Variants in KHDRBS3 observed in about 807,000 individuals in gnomAD.
KHDRBS3 encodes the protein KH domain-containing, RNA-binding, signal transduction-associated protein 3.
A neutral mutation model predicts 45.6 loss-of-function variants in KHDRBS3; 23 were observed. That is an observed-to-expected ratio of 0.50 (90% CI 0.36 to 0.72). The LOEUF is 0.72. Among genes scored for constraint, KHDRBS3 ranks in the 30% least tolerant of loss-of-function variants. The pLI is 0.00. For synonymous variants in KHDRBS3, 162 were observed against 156.5 expected (o/e 1.04, Z -0.26); for missense variants, 352 against 424.8 (o/e 0.83, Z 1.51).
At position 135,507,541 on chromosome 8, in the gene KHDRBS3, AT is replaced by A. The variant is rs559623000; in HGVS notation, c.89-13686del. ...GCCATTGACTGGCCATGGTGTACTT[AT>A]TTTTTTTTTAACGAAATCCCTACGT... On this transcript the variant is annotated intron_variant, in intron 1 of 8. Transcript: ENST00000355849. Among the ~76,000 whole-genome samples, 226 of 149,420 alleles carry A rather than the reference AT, an allele frequency of 1.5e-3. 2 individuals carry two copies. Among genetic ancestry groups the A allele is most frequent in the Non-Finnish European group, 2.4e-3 (163 of 67,048 alleles).
intron 4 of KHDRBS3, chr8:135,549,647 A>G (rs1425129379): frequency 1.3e-5 from 2 of 152,164 alleles, no homozygotes; most frequent in African/African-American, 4.8e-5. Flanking sequence ...AAGAATCGTA[A>G]AGCATCAACA....
rs1200941483 is a variant in KHDRBS3, at chr8:135,525,667, C to T, written c.207+4312C>T. Among the ~76,000 whole-genome samples, 7 of 152,122 alleles carry T rather than the reference C, an allele frequency of 4.6e-5. 1 individual carries two copies. The highest frequency in any genetic ancestry group is 2.0e-4 in the Admixed American group (3 of 15,260). Reference sequence around the variant, plus strand: ...TATGTGTCTTGTAAACAGAAAATTACGTTACAAACATTTCATAGACAGACT... The same window carrying T: ...TATGTGTCTTGTAAACAGAAAATTATGTTACAAACATTTCATAGACAGACT... On this transcript the variant is annotated intron_variant, in intron 2 of 8. Coordinates refer to ENST00000355849, the MANE Select transcript of KHDRBS3 (RefSeq NM_006558.3).
Position 135,457,981 on chromosome 8 carries a change from CCGGCGGCGG to C in KHDRBS3, c.88+28_88+36del. 1 of 1,563,086 alleles carries C rather than the reference CCGGCGGCGG, an allele frequency of 6.4e-7. No homozygotes were observed. Among genetic ancestry groups the C allele is most frequent in the African/African-American group, 1.4e-5 (1 of 72,188 alleles). On this transcript the variant is annotated intron_variant, in intron 1 of 8. Transcript: ENST00000355849. This position sits in a 1 kb window ranked among gnomAD's most constrained non-coding sequence, Gnocchi z 4.4. ...TGAGGCGCCGGCCGTTAACTGCCGGCCGGCGGCGGTTGGGGGCCGGGTGGAAACGCGGGG... is the reference window on the plus strand; with the variant it reads ...TGAGGCGCCGGCCGTTAACTGCCGGCTTGGGGGCCGGGTGGAAACGCGGGG...
chr8:135,625,404 A>AT, intron 7 of KHDRBS3: 1 of 793,006 alleles, frequency 1.3e-6, no homozygotes, highest in Non-Finnish European at 2.2e-6. Flanking sequence ...GCATCAACTC[A>AT]GCTGCCTCAT....
At chr8:135,626,842 G>A in intron 7 of KHDRBS3, among the ~76,000 whole-genome samples, 1 of 148,140 alleles carries the variant, frequency 6.8e-6, no homozygotes, top group South Asian at 2.1e-4. Context: ...AGTGGGAACT[G>A]AGGCAGTTCT....
chr8:135,612,969 CT>C (rs1829767048), intron 7 of KHDRBS3, among the ~76,000 whole-genome samples: 1 of 151,786 alleles, frequency 6.6e-6, no homozygotes, highest in Non-Finnish European at 1.5e-5. Context: ...GGAAAGCTCT[CT>C]ATTACAGTGT....
chr8:135,503,805 T>C (rs188877704), intron 1 of KHDRBS3, among the ~76,000 whole-genome samples: 37 of 152,316 alleles, frequency 2.4e-4, no homozygotes, highest in African/African-American at 7.2e-4. Flanking sequence ...CCACAATTGA[T>C]TGGTTTTCTG....
chr8:135,459,338 A>G (rs1176165086), intron 1 of KHDRBS3, among the ~76,000 whole-genome samples: 1 of 152,238 alleles, frequency 6.6e-6, no homozygotes, highest in East Asian at 1.9e-4. Flanking sequence ...AAATAGACTT[A>G]TGGAGCTCCC....
At chr8:135,505,512 ATCAG>A (rs1823949869) in intron 1 of KHDRBS3, among the ~76,000 whole-genome samples, 1 of 152,232 alleles carries the variant, frequency 6.6e-6, no homozygotes, top group Admixed American at 6.5e-5. Context: ...GGGTGTATCA[ATCAG>A]GTAAACAGAA....
intron 1 of KHDRBS3, among the ~76,000 whole-genome samples, chr8:135,508,228 C>T (rs375315317): frequency 2.0e-5 from 3 of 151,968 alleles, no homozygotes; most frequent in South Asian, 2.1e-4. Flanking sequence ...AGAAAATATT[C>T]GTTTTTTGTT....
chr8:135,573,489 T>A lies in KHDRBS3; in HGVS notation c.612-8389T>A, dbSNP rs567464839. Among the ~76,000 whole-genome samples the A allele has an allele frequency of 3.9e-5, 6 of 152,334 alleles. No individual in the cohort carries two copies. In the East Asian group the frequency reaches 1.2e-3, roughly 29 times the overall value. ...ATTACCACTTACTACATGCCTGTTTTAGGCTATGCACTTTACATACCCAGG... is the reference window on the plus strand; with the variant it reads ...ATTACCACTTACTACATGCCTGTTTAAGGCTATGCACTTTACATACCCAGG... On this transcript the variant is annotated intron_variant, in intron 5 of 8. Transcript: ENST00000355849.
At chr8:135,547,603 C>T (rs1267284796) in intron 3 of KHDRBS3, among the ~76,000 whole-genome samples, 1 of 152,136 alleles carries the variant, frequency 6.6e-6, no homozygotes, top group Non-Finnish European at 1.5e-5. Context: ...AGTCAAGTAA[C>T]AGAAGTTGAA....
intron 1 of KHDRBS3, among the ~76,000 whole-genome samples, chr8:135,465,606 A>C (rs992661366): frequency 5.3e-5 from 8 of 152,342 alleles, no homozygotes; most frequent in African/African-American, 1.9e-4. Context: ...CCTGAAGCTT[A>C]AATTAACAAA....
chr8:135,536,983 AAAAAAAAAAAAAAAGG>A (rs1446349173), intron 2 of KHDRBS3, among the ~76,000 whole-genome samples: 1,851 of 55,618 alleles, frequency 0.033, 231 homozygotes, highest in African/African-American at 0.12. Flanking sequence ...AAAAAAAAAA[AAAAAAAAAAAAAAAGG>A]AGATGTTTAG....
chr8:135,458,048 A>G, intron 1 of KHDRBS3, 94 bp downstream of exon 1: 1 of 1,437,386 alleles, frequency 7.0e-7, no homozygotes, highest in Non-Finnish European at 9.1e-7. Flanking sequence ...CTCTGCTGTC[A>G]GCGGACGCGG....
At chr8:135,563,215 C>T (rs200161690) in intron 5 of KHDRBS3, among the ~76,000 whole-genome samples, 1 of 152,198 alleles carries the variant, frequency 6.6e-6, no homozygotes, top group Non-Finnish European at 1.5e-5. Context: ...CTCTCCTCCC[C>T]TATCTGACTC....
intron 6 of KHDRBS3, among the ~76,000 whole-genome samples, chr8:135,589,926 A>G (rs143994286): frequency 2.0e-5 from 3 of 152,362 alleles, no homozygotes; most frequent in African/African-American, 7.2e-5. Context: ...CAAACATAAC[A>G]TGGTCCACTT....
At chr8:135,626,078 G>T (rs1043419068) in intron 7 of KHDRBS3, 33 of 524,880 alleles carry the variant, frequency 6.3e-5, no homozygotes, top group Non-Finnish European at 1.0e-4. Flanking sequence ...TGAATAGATT[G>T]TATGACAACA....
At chr8:135,500,091 A>T (rs543212109) in intron 1 of KHDRBS3, among the ~76,000 whole-genome samples, 1 of 152,270 alleles carries the variant, frequency 6.6e-6, no homozygotes, top group Admixed American at 6.5e-5. Flanking sequence ...TCATTAATTG[A>T]AGAAAGTATA....
Sources: gnomAD v4.1 joint callset for allele counts (sites outside exome capture counted in the v4.1 genomes callset) on GRCh38, gnomAD v4.1.1 for gene constraint, Gnocchi (gnomAD v3.1) non-coding constraint, MANE v1.5 for transcripts, NCBI Gene and HGNC (gene_info 2026-07-23, HGNC 2026-07-21) for gene names.